DDX11: variants seen among roughly 807,000 people sequenced by gnomAD.
DDX11 encodes the protein ATP-dependent DNA helicase DDX11.
A neutral mutation model predicts 125.2 loss-of-function variants in DDX11; 72 were observed. The ratio of observed to expected loss-of-function variants is 0.58; its 90% confidence interval spans 0.48 to 0.70. DDX11 has a LOEUF of 0.70. Among genes scored for constraint, DDX11 ranks in the 30% least tolerant of loss-of-function variants. The probability of loss-of-function intolerance (pLI) is 0.00; values close to 1 mark genes in which losing one functional copy is unlikely to be tolerated. For synonymous variants in DDX11, 347 were observed against 452.6 expected (o/e 0.77, Z 2.96); for missense variants, 883 against 1,165.0 (o/e 0.76, Z 3.52).
In DDX11 at chr12:31,096,759, G is replaced by C; in HGVS notation, c.1630+14G>C. On this transcript the variant is annotated intron_variant, in intron 16 of 26. Transcript: ENST00000542838. ...GGACGACTGAAGGTGAGGCAGGAGG[G>C]TGGGCAGGCAGAGCCGGCTGCACGC... The C allele has an allele frequency of 6.2e-7, 1 of 1,614,202 alleles. No homozygotes were observed. The highest frequency in any genetic ancestry group is 8.5e-7 in the Non-Finnish European group (1 of 1,180,036).
In DDX11 at chr12:31,091,803, A is replaced by G. The variant is rs767483820; in HGVS notation, c.1174A>G (p.Ile392Val). ...GIRLQDQVVI[I>V]DEAHNLIDTI... ...CCGGCTGCAGGACCAGGTGGTGATCATCGACGAGGCGCACAACCTGATCGA... is the reference window on the plus strand; with the variant it reads ...CCGGCTGCAGGACCAGGTGGTGATCGTCGACGAGGCGCACAACCTGATCGA... The change falls in exon 10 of 27, where the codon ATC (isoleucine) becomes GTC (valine). Residue 392 changes from isoleucine (I) to valine (V), a missense_variant. Physicochemically the swap from Ile to Val is conservative, Grantham distance 29. Around this residue, in one of 5 missense-constraint regions of DDX11, gnomAD observed 72 missense variants for 159.7 expected, o/e 0.45. Transcript: ENST00000542838. 9 of 1,613,748 alleles carry G rather than the reference A, an allele frequency of 5.6e-6. No homozygotes were observed. Among genetic ancestry groups the G allele is most frequent in the Non-Finnish European group, 7.6e-6 (9 of 1,179,844 alleles).
intron 15 of DDX11, 23 bp from the exon 16 acceptor site, chr12:31,096,614 C>T: frequency 6.2e-7 from 1 of 1,612,232 alleles, no homozygotes; most frequent in Non-Finnish European, 8.5e-7. Flanking sequence ...TTCCTCTCCA[C>T]TGCTCTCTCT....
At chr12:31,080,333 A>G (rs1247029293) in intron 2 of DDX11, among the ~76,000 whole-genome samples, 9 of 152,090 alleles carry the variant, frequency 5.9e-5, no homozygotes, top group Non-Finnish European at 2.9e-5. Flanking sequence ...GCCTGCTTTC[A>G]GCCTGGCCCT....
Position 31,093,323 on chromosome 12 carries a change from G to C in DDX11, c.1368G>C (p.Gly456=), listed in dbSNP as rs1430620969. 2 of 1,613,680 alleles carry C rather than the reference G, an allele frequency of 1.2e-6. No individual in the cohort carries two copies. Among genetic ancestry groups the C allele is most frequent in the Non-Finnish European group, 1.7e-6 (2 of 1,179,830 alleles). The change falls in exon 12 of 27, where the codon GGG becomes GGC. Residue 456 remains glycine (G), a splice_region_variant and synonymous_variant. Transcript: ENST00000542838. ...YLLEKFVAVL[G]GNIKQNPNTQ... is the part of the protein sequence containing the mutation. The stretch of plus-strand genomic sequence containing the variant: ...TGGAGAAATTCGTGGCTGTGCTAGG[G>C]GGTGAGAGCCTCGTCCCCCTGCTGA...
Position 31,096,861 on chromosome 12 carries a change from C to T in DDX11, c.1633C>T (p.Leu545Phe), listed in dbSNP as rs1184891399. ...CCTCCCCGTTCTGCTCTGTGCAGCT[C>T]TTGCAGCCCCTGCAGACGAGAGTCA... ...QSLQPRTTEA[L>F]AAPADESQAS... is the part of the protein sequence containing the mutation. Residue 545 changes from leucine (L) to phenylalanine (F), a missense_variant and splice_region_variant, in exon 17 of 27, where the codon CTT becomes TTT. Around this residue, in one of 5 missense-constraint regions of DDX11, gnomAD observed 241 missense variants for 279.7 expected, o/e 0.86. Transcript: ENST00000542838. The T allele has an allele frequency of 1.7e-5, 28 of 1,614,178 alleles. No homozygotes were observed. The highest frequency in any genetic ancestry group is 3.3e-5 in the Admixed American group (2 of 60,020).
At chr12:31,100,432 G>C in intron 18 of DDX11, 2 of 518,818 alleles carry the variant, frequency 3.9e-6, no homozygotes, top group Non-Finnish European at 3.5e-6. Flanking sequence ...TTCCTTTGCT[G>C]TTCCTGCACA....
Position 31,084,720 on chromosome 12 carries a change from G to C in DDX11, c.480+51G>C, listed in dbSNP as rs779988889. 3.9e-6 allele frequency: 6 copies of C among 1,532,414 alleles called. No individual in the cohort carries two copies. The African/African-American group carries it at 8.2e-5, about 21-fold the overall frequency. The allele number at this position is 1,532,414 out of a possible 1,614,324, so 94.9% of individuals were successfully genotyped here. A position where few individuals can be genotyped will look rare whatever the true frequency, so the allele number is the denominator to read the frequency against. ...GATTATGTCCAGGCAGGGTTGCTCT[G>C]CTTGGAGGCTCATGGGTGCGTGGTC... is the stretch of plus-strand genomic sequence containing the variant. On this transcript the variant is annotated intron_variant, in intron 4 of 26. Transcript: ENST00000542838.
intron 2 of DDX11, among the ~76,000 whole-genome samples, 190 bp downstream of exon 2, chr12:31,078,727 G>A (rs1380123996): frequency 2.8e-5 from 4 of 144,984 alleles, no homozygotes; most frequent in African/African-American, 1.0e-4. Context: ...TCGCTGTGTC[G>A]CCCAGGCCAG....
intron 8 of DDX11, 86 bp from the exon 9 acceptor site, chr12:31,089,800 G>A: frequency 6.4e-7 from 1 of 1,554,570 alleles, no homozygotes; most frequent in African/African-American, 1.4e-5. Flanking sequence ...ATGGAAGTGG[G>A]TCTCAACATT....
rs746449072 is a variant in DDX11, at chr12:31,085,002, C to T, written c.514C>T (p.Arg172Cys). Residue 172 changes from arginine to cysteine, a missense_variant, in exon 5 of 27, where the codon CGC (arginine) becomes TGC (cysteine). Transcript: ENST00000542838. ...AGAAGAAGAAAGAGAGAATCTCCTC[C>T]GCCTCAGCAGGGAGATGCTAGAGAC... ...QEEEERENLL[R>C]LSREMLETGP... The T allele has an allele frequency of 8.5e-5, 137 of 1,610,526 alleles. No individual in the cohort carries two copies. Among genetic ancestry groups the T allele is most frequent in the Non-Finnish European group, 9.8e-5 (116 of 1,178,320 alleles).
chr12:31,104,075 C>A lies in DDX11; in HGVS notation c.*239C>A, dbSNP rs763554530. The stretch of plus-strand genomic sequence containing the variant: ...GTCCTTGGGGCGTTCCAGGGCAGCT[C>A]CCCTCCTGGAATAGAATCTTTCTTT... On this transcript the variant is annotated 3_prime_UTR_variant, in exon 27 of 27. Coordinates refer to ENST00000542838, the MANE Select transcript of DDX11 (RefSeq NM_030653.4). 1.8e-5 allele frequency: 28 copies of A among 1,530,708 alleles called. No individual in the cohort carries two copies. The highest frequency in any genetic ancestry group is 2.5e-5 in the South Asian group (2 of 80,748). 94.8% of individuals were successfully genotyped at this position (1,530,708 alleles called of 1,614,324 possible).
chr12:31,095,159 G>A lies in DDX11; in HGVS notation c.1482+337G>A, dbSNP rs187789376. On this transcript the variant is annotated intron_variant, in intron 14 of 26. Transcript: ENST00000542838. ...ATTTGTTCTGTGCAACCCCTGTCAC[G>A]TCTTCCCACTTGGGCCTTGGGTCTG... is the stretch of plus-strand genomic sequence containing the variant. 8.1e-3 allele frequency among the ~76,000 whole-genome samples: 1,229 copies of A among 151,396 alleles called. 12 individuals are homozygous for A. Among genetic ancestry groups the A allele is most frequent in the African/African-American group, 0.029 (1,174 of 40,690 alleles).
rs1424342497 is a variant in DDX11, at chr12:31,104,103, A to G, written c.*267A>G. 33 of 1,502,960 alleles carry G rather than the reference A, an allele frequency of 2.2e-5. 1 individual carries two copies. In the South Asian group the frequency reaches 4.2e-4, roughly 19 times the overall value. The allele number at this position is 1,502,960 out of a possible 1,614,324, so 93.1% of individuals were successfully genotyped here. On this transcript the variant is annotated 3_prime_UTR_variant, in exon 27 of 27. Transcript: ENST00000542838. Reference sequence around the variant, plus strand: ...CTCCTGGAATAGAATCTTTCTTTCCATCCTGCATGGCTGAGAGCCAGGCTT... The same window carrying G: ...CTCCTGGAATAGAATCTTTCTTTCCGTCCTGCATGGCTGAGAGCCAGGCTT...
At chr12:31,075,240 T>C (rs1347105453) in intron 1 of DDX11, among the ~76,000 whole-genome samples, 1 of 151,246 alleles carries the variant, frequency 6.6e-6, no homozygotes, top group Non-Finnish European at 1.5e-5. Context: ...TGATTTAGCC[T>C]GTGCTGCTTC....
Position 31,102,315 on chromosome 12 carries a change from C to T in DDX11, c.2271+4C>T, listed in dbSNP as rs146923888. On this transcript the variant is annotated splice_donor_region_variant and intron_variant, in intron 22 of 26. Transcript: ENST00000542838. ...GGCATATTCCAGGTGCATCCAGGTG[C>T]GGGCGTCATGCTGGGCTTGGGTCTG... 2,420 of 1,613,728 alleles carry T rather than the reference C, an allele frequency of 1.5e-3. 4 individuals are homozygous for T. The highest frequency in any genetic ancestry group is 1.7e-3 in the Admixed American group (105 of 60,022).
chr12:31,102,594 G>A (rs1302612117), intron 23 of DDX11, 67 bp downstream of exon 23: 1 of 1,453,986 alleles, frequency 6.9e-7, no homozygotes, highest in Non-Finnish European at 9.6e-7. Context: ...CAGCAGCTGG[G>A]CCCCTGCCTG....
intron 1 of DDX11, chr12:31,077,899 A>G (rs1291905329): frequency 3.4e-5 from 10 of 292,188 alleles, no homozygotes; most frequent in Non-Finnish European, 6.7e-5. Flanking sequence ...TATCCAAACA[A>G]CAAGCTGTGC....
chr12:31,087,345 G>A (rs1242297170), intron 5 of DDX11, among the ~76,000 whole-genome samples: 3 of 151,946 alleles, frequency 2.0e-5, no homozygotes, highest in Non-Finnish European at 4.4e-5. Flanking sequence ...AAACAAGGCC[G>A]ACCTGGGTCC....
chr12:31,087,827 A>T, intron 5 of DDX11, 111 bp from the exon 6 acceptor site: 1 of 1,500,118 alleles, frequency 6.7e-7, no homozygotes, highest in Non-Finnish European at 9.0e-7. Flanking sequence ...CCTTGGTGGA[A>T]CCCATTGCTG....
Sources: gnomAD v4.1 joint callset for allele counts (sites outside exome capture counted in the v4.1 genomes callset) on GRCh38, gnomAD v4.1.1 for gene constraint, gnomAD v4.1.1 regional missense constraint, MANE v1.5 for transcripts, NCBI Gene and HGNC (gene_info 2026-07-23, HGNC 2026-07-21) for gene names.